Variants in SEC24B observed in about 807,000 individuals in gnomAD.
SEC24B encodes SEC24 homolog B, COPII component, also known as protein transport protein Sec24B.
A neutral mutation model predicts 142.8 loss-of-function variants in SEC24B; 45 were observed. The ratio of observed to expected loss-of-function variants is 0.32; its 90% CI spans 0.25 to 0.40. The LOEUF is 0.40. SEC24B is among the 10% of genes least tolerant of loss of function. The pLI is 1.00. For missense variants in SEC24B, 1,409 were observed against 1,526.8 expected (o/e 0.92, Z 1.29); for synonymous variants, 574 against 568.2 (o/e 1.01, Z -0.15).
intron 6 of SEC24B, among the ~76,000 whole-genome samples, chr4:109,504,128 A>G (rs764846734): frequency 4.6e-5 from 7 of 152,116 alleles, no homozygotes; most frequent in Non-Finnish European, 8.8e-5. Flanking sequence ...TTTGTTTCAT[A>G]TGGGTCCACA....
At chr4:109,466,511 T>C (rs959549995) in intron 2 of SEC24B, among the ~76,000 whole-genome samples, 4 of 152,198 alleles carry the variant, frequency 2.6e-5, no homozygotes, top group Admixed American at 1.3e-4. Flanking sequence ...TCCAGGTTCA[T>C]GCCGTTCTCC....
intron 14 of SEC24B, among the ~76,000 whole-genome samples, chr4:109,522,429 A>G (rs1440514060): frequency 6.6e-6 from 1 of 152,232 alleles, no homozygotes; most frequent in East Asian, 1.9e-4. Context: ...ATAGAAATTT[A>G]GAAATCATTT....
At chr4:109,443,256 G>A (rs761388655) in intron 1 of SEC24B, among the ~76,000 whole-genome samples, 43 of 152,114 alleles carry the variant, frequency 2.8e-4, no homozygotes, top group Admixed American at 9.2e-4. Context: ...TTATTCTTGT[G>A]TTATCTGAGA....
At chr4:109,469,224 A>G (rs902196323) in intron 2 of SEC24B, among the ~76,000 whole-genome samples, 2 of 152,184 alleles carry the variant, frequency 1.3e-5, no homozygotes, top group Non-Finnish European at 2.9e-5. Context: ...CGCGTAGTCC[A>G]GTTTTATGTG....
intron 3 of SEC24B, among the ~76,000 whole-genome samples, chr4:109,477,140 TAAAA>T (rs759331468): frequency 0.15 from 8,532 of 55,672 alleles, 378 homozygotes; most frequent in African/African-American, 0.36. Context: ...CCGTCTCAAA[TAAAA>T]AAAAAAAAAA....
chr4:109,526,473 G>C, intron 17 of SEC24B, 74 bp downstream of exon 17: 2 of 1,108,808 alleles, frequency 1.8e-6, no homozygotes, highest in Admixed American at 5.0e-5. Flanking sequence ...TTAGTGGAGT[G>C]GGGAAAAAGA....
intron 3 of SEC24B, among the ~76,000 whole-genome samples, chr4:109,476,586 T>C (rs1160782314): frequency 6.6e-6 from 1 of 152,238 alleles, no homozygotes; most frequent in Non-Finnish European, 1.5e-5. Flanking sequence ...AGCAGTATCA[T>C]TCTGTTTTGC....
rs1735363892 is a variant in SEC24B at position 109,494,736 on chromosome 4, T to A, written c.1368T>A (p.Ala456=). Residue 456 remains alanine, a synonymous_variant, in exon 6 of 24, where the codon GCT becomes GCA. Coordinates refer to ENST00000265175, the MANE Select transcript of SEC24B (RefSeq NM_006323.5). ...APVVPQPSKM[A]KPFGYGYPTL... ...TCGTCCCTCAGCCTTCAAAAATGGC[T>A]AAGCCTTTTGGCTATGGCTATCCAA... The A allele has an allele frequency of 6.2e-7, 1 of 1,614,122 alleles. No individual in the cohort carries two copies. Among genetic ancestry groups the A allele is most frequent in the African/African-American group, 1.3e-5 (1 of 74,952 alleles).
At chr4:109,482,979 T>TACATACACACACACACACACACACAC (rs1554001100) in intron 4 of SEC24B, among the ~76,000 whole-genome samples, 1 of 26,406 alleles carries the variant, frequency 3.8e-5, no homozygotes, top group African/African-American at 1.2e-4. Context: ...TATATATATA[T>TACATACACACACACACACACACACAC]ACACACACAC....
chr4:109,535,139 T>C (rs78723167), intron 22 of SEC24B, among the ~76,000 whole-genome samples: 2,281 of 152,370 alleles, frequency 0.015, 40 homozygotes, highest in African/African-American at 0.039. Flanking sequence ...TGTGAACATA[T>C]GTTTTCAGTT....
chr4:109,500,126 G>A (rs765527780), intron 6 of SEC24B, among the ~76,000 whole-genome samples: 5 of 152,160 alleles, frequency 3.3e-5, no homozygotes, highest in Admixed American at 6.5e-5. Context: ...AAAAAGTTAC[G>A]GAATAAGGCT....
intron 11 of SEC24B, 99 bp from the exon 12 acceptor site, chr4:109,520,267 G>A: frequency 4.1e-6 from 3 of 740,208 alleles, no homozygotes; most frequent in Non-Finnish European, 6.9e-6. Context: ...AAAAGCATAT[G>A]TGTAATTATC....
intron 4 of SEC24B, among the ~76,000 whole-genome samples, chr4:109,482,130 G>T (rs1488969518): frequency 6.6e-6 from 1 of 152,150 alleles, no homozygotes; most frequent in Non-Finnish European, 1.5e-5. Context: ...TAGGAATAAT[G>T]CTTCATTTTC....
intron 2 of SEC24B, among the ~76,000 whole-genome samples, chr4:109,469,382 G>A (rs1334621374): frequency 7.2e-5 from 11 of 152,126 alleles, no homozygotes; most frequent in Admixed American, 6.5e-4. Flanking sequence ...CTAATGTTGG[G>A]AGATAAAATA....
intron 3 of SEC24B, among the ~76,000 whole-genome samples, chr4:109,474,209 A>G (rs913911103): frequency 6.6e-6 from 1 of 152,158 alleles, no homozygotes; most frequent in Non-Finnish European, 1.5e-5. Flanking sequence ...TGGAAACTGA[A>G]TTTAGTTCTT....
At chr4:109,519,419 A>G (rs548374715) in intron 11 of SEC24B, among the ~76,000 whole-genome samples, 2 of 152,376 alleles carry the variant, frequency 1.3e-5, no homozygotes, top group Non-Finnish European at 2.9e-5. Context: ...AGAAAAAGAA[A>G]GTGACAGAAT....
At chr4:109,461,552 G>A (rs939393061) in intron 1 of SEC24B, among the ~76,000 whole-genome samples, 4 of 152,126 alleles carry the variant, frequency 2.6e-5, no homozygotes, top group Admixed American at 1.3e-4. Flanking sequence ...AGGATATTCA[G>A]CATATATTAA....
intron 4 of SEC24B, among the ~76,000 whole-genome samples, 175 bp downstream of exon 4, chr4:109,481,956 C>T (rs1408973498): frequency 6.6e-6 from 1 of 152,174 alleles, no homozygotes; most frequent in Non-Finnish European, 1.5e-5. Context: ...TTTTGTTTTT[C>T]CTCCTTTAGG....
chr4:109,502,842 A>T (rs1045635142), intron 6 of SEC24B, among the ~76,000 whole-genome samples: 2 of 152,220 alleles, frequency 1.3e-5, no homozygotes, highest in East Asian at 3.9e-4. Context: ...TAAGCAAAAA[A>T]TTTTTTTATA....
Sources: gnomAD v4.1 joint callset for allele counts (sites outside exome capture counted in the v4.1 genomes callset) on GRCh38, gnomAD v4.1.1 for gene constraint, MANE v1.5 for transcripts, NCBI Gene and HGNC (gene_info 2026-07-23, HGNC 2026-07-21) for gene names.